Variants in LRMDA observed in about 807,000 individuals in gnomAD.
LRMDA encodes leucine-rich melanocyte differentiation-associated protein.
In LRMDA, 18 loss-of-function variants were observed where a neutral mutation model predicts 29.8. The ratio of observed to expected loss-of-function variants is 0.60; its 90% CI spans 0.42 to 0.90. The LOEUF (loss-of-function observed/expected upper bound fraction) is 0.90, where lower values mean the gene tolerates loss of function less well. Among genes scored for constraint, LRMDA ranks in the 40% least tolerant of loss-of-function variants. The probability of loss-of-function intolerance (pLI) is 0.00; values close to 1 mark genes in which losing one functional copy is unlikely to be tolerated. For missense variants in LRMDA, 273 were observed against 273.9 expected, an observed-to-expected ratio of 1.00 and a Z score of 0.02; for synonymous variants, 125 against 109.4, an observed-to-expected ratio of 1.14 and a Z score of -0.89.
intron 2 of LRMDA, among the ~76,000 whole-genome samples, chr10:75,442,043 G>C (rs1376097701): frequency 6.6e-6 from 1 of 152,194 alleles, no homozygotes; most frequent in Non-Finnish European, 1.5e-5. Flanking sequence ...CCTTTGCACA[G>C]CTAAGTATTG....
At chr10:75,545,331 G>T (rs1237304974) in intron 2 of LRMDA, among the ~76,000 whole-genome samples, 1 of 152,166 alleles carries the variant, frequency 6.6e-6, no homozygotes, top group Non-Finnish European at 1.5e-5. Flanking sequence ...GGTCTGGGGG[G>T]TTGGGCAGAA....
intron 5 of LRMDA, among the ~76,000 whole-genome samples, chr10:76,133,095 A>T (rs1302744660): frequency 2.0e-5 from 3 of 149,354 alleles, no homozygotes; most frequent in Non-Finnish European, 4.4e-5. Context: ...TGCTGGGATT[A>T]CAAGCGTGAG....
At chr10:75,973,441 G>A (rs916017835) in intron 2 of LRMDA, among the ~76,000 whole-genome samples, 2 of 148,468 alleles carry the variant, frequency 1.3e-5, no homozygotes, top group East Asian at 2.0e-4. Context: ...TTTTTGGGAC[G>A]GAGTTTTGCT....
At chr10:76,399,634 C>T (rs1389869852) in intron 6 of LRMDA, among the ~76,000 whole-genome samples, 1 of 152,142 alleles carries the variant, frequency 6.6e-6, no homozygotes, top group Non-Finnish European at 1.5e-5. Context: ...GAATTCAGTA[C>T]GTTCTCTTTT....
chr10:75,527,838 A>AG (rs1349387226), intron 2 of LRMDA, among the ~76,000 whole-genome samples: 2 of 150,900 alleles, frequency 1.3e-5, no homozygotes, highest in Non-Finnish European at 2.9e-5. Flanking sequence ...GCTGTAGTGC[A>AG]GTGGGGGGAT....
intron 2 of LRMDA, among the ~76,000 whole-genome samples, chr10:75,555,254 G>A (rs750634205): frequency 3.3e-5 from 5 of 152,166 alleles, no homozygotes; most frequent in Non-Finnish European, 7.3e-5. Context: ...GAAGGGAAAG[G>A]CTTAGGGTGA....
intron 2 of LRMDA, among the ~76,000 whole-genome samples, chr10:75,810,339 G>C (rs148818878): frequency 6.6e-6 from 1 of 152,216 alleles, no homozygotes; most frequent in African/African-American, 2.4e-5. Flanking sequence ...TAGGTAGCAG[G>C]AGCGAAAGCA....
intron 2 of LRMDA, among the ~76,000 whole-genome samples, chr10:75,620,182 G>T (rs568411036): frequency 1.3e-5 from 2 of 152,312 alleles, no homozygotes; most frequent in South Asian, 4.2e-4. Context: ...GTTTTCATCA[G>T]GGAGGCCAGT....
At chr10:76,347,573 C>T (rs575729898) in intron 6 of LRMDA, among the ~76,000 whole-genome samples, 72 of 152,198 alleles carry the variant, frequency 4.7e-4, no homozygotes, top group African/African-American at 1.4e-3. Context: ...AAACATAATC[C>T]GATGCAATTT....
At chr10:75,437,174 G>T (rs952593184) in intron 1 of LRMDA, among the ~76,000 whole-genome samples, 3 of 152,194 alleles carry the variant, frequency 2.0e-5, no homozygotes, top group African/African-American at 7.2e-5. Flanking sequence ...TCAGGGTTCA[G>T]TGCAGCTTGT....
chr10:76,232,805 G>T (rs1852083883), intron 5 of LRMDA, among the ~76,000 whole-genome samples: 1 of 152,186 alleles, frequency 6.6e-6, no homozygotes, highest in Non-Finnish European at 1.5e-5. Flanking sequence ...CACAGGGGTG[G>T]TCCCCCTACC....
chr10:75,445,813 G>T (rs1844387331), intron 2 of LRMDA, among the ~76,000 whole-genome samples: 1 of 152,234 alleles, frequency 6.6e-6, no homozygotes, highest in Non-Finnish European at 1.5e-5. Context: ...AAGCGAGAGG[G>T]TTTAATTGAT....
intron 5 of LRMDA, among the ~76,000 whole-genome samples, chr10:76,223,537 G>T (rs1851888578): frequency 6.6e-6 from 1 of 152,184 alleles, no homozygotes; most frequent in Admixed American, 6.5e-5. Flanking sequence ...GTAATAGGAA[G>T]AGGGGTCCTC....
chr10:75,780,554 G>A (rs951650220), intron 2 of LRMDA, among the ~76,000 whole-genome samples: 3 of 152,212 alleles, frequency 2.0e-5, no homozygotes, highest in Non-Finnish European at 2.9e-5. Flanking sequence ...CTCTGAAGGT[G>A]AATGTGAGCT....
At chr10:76,232,550 T>G (rs1852076974) in intron 5 of LRMDA, among the ~76,000 whole-genome samples, 2 of 152,218 alleles carry the variant, frequency 1.3e-5, no homozygotes, top group South Asian at 4.1e-4. Context: ...CAGGATTTTC[T>G]TCTTGGTCAC....
At chr10:75,550,232 G>A in intron 2 of LRMDA, among the ~76,000 whole-genome samples, 1 of 152,062 alleles carries the variant, frequency 6.6e-6, no homozygotes, top group East Asian at 1.9e-4. Flanking sequence ...TGTTGTTCAG[G>A]CTTCTATATC....
chr10:75,894,288 C>A (rs1208228810), intron 2 of LRMDA, among the ~76,000 whole-genome samples: 1 of 152,118 alleles, frequency 6.6e-6, no homozygotes, highest in African/African-American at 2.4e-5. Context: ...GTCTGGTTTT[C>A]AGTTCCTGAG....
At chr10:75,578,888 C>T (rs1840548000) in intron 2 of LRMDA, among the ~76,000 whole-genome samples, 1 of 144,374 alleles carries the variant, frequency 6.9e-6, no homozygotes, top group African/African-American at 2.5e-5. Flanking sequence ...ACACAGCATA[C>T]AAGAATCTCT....
chr10:76,297,010 G>A (rs929056741), intron 5 of LRMDA, among the ~76,000 whole-genome samples: 6 of 152,194 alleles, frequency 3.9e-5, no homozygotes, highest in African/African-American at 1.4e-4. Context: ...CCATGGAAGA[G>A]CCTGGAGCTC....
Sources: allele counts gnomAD v4.1 joint callset (sites outside exome capture counted in the v4.1 genomes callset), GRCh38; gene constraint gnomAD v4.1.1; transcripts MANE v1.5; gene names NCBI Gene and HGNC (gene_info 2026-07-23, HGNC 2026-07-21).